UTRN: variants seen among roughly 807,000 people sequenced by gnomAD.
The protein encoded by UTRN is dystrophin-related protein 1.
In UTRN, 283 loss-of-function variants were observed where a neutral mutation model predicts 463.9. The ratio of observed to expected loss-of-function variants is 0.61; its 90% CI spans 0.55 to 0.67. UTRN has a LOEUF of 0.67. UTRN is among the 30% of genes least tolerant of loss of function. UTRN has a pLI of 0.00. For missense variants in UTRN, 3,922 were observed against 4,084.3 expected (o/e 0.96, Z 1.08); for synonymous variants, 1,442 against 1,431.5 (o/e 1.01, Z -0.17).
chr6:144,781,487 G>C (rs1308401372), intron 60 of UTRN, among the ~76,000 whole-genome samples: 1 of 152,158 alleles, frequency 6.6e-6, no homozygotes, highest in Non-Finnish European at 1.5e-5. Context: ...GTTTGGCTGT[G>C]ATACAAAGAA....
At chr6:144,527,871 T>A (rs1173011045) in intron 41 of UTRN, among the ~76,000 whole-genome samples, 1 of 152,064 alleles carries the variant, frequency 6.6e-6, no homozygotes, top group East Asian at 1.9e-4. Flanking sequence ...ACTCGAGATT[T>A]TTTCCTTCAT....
intron 49 of UTRN, 121 bp downstream of exon 49, chr6:144,555,014 C>T: frequency 8.5e-7 from 1 of 1,176,560 alleles, no homozygotes; most frequent in Non-Finnish European, 1.2e-6. Flanking sequence ...CTTAGAGTGT[C>T]TAATGAAATT....
chr6:144,484,305 C>A (rs530398549), intron 27 of UTRN, among the ~76,000 whole-genome samples: 1 of 151,914 alleles, frequency 6.6e-6, no homozygotes, highest in African/African-American at 2.4e-5. Flanking sequence ...GGCTACATTG[C>A]AAACTTTTAC....
chr6:144,296,740 T>G (rs1487684374), intron 2 of UTRN, among the ~76,000 whole-genome samples: 4 of 152,248 alleles, frequency 2.6e-5, no homozygotes, highest in African/African-American at 9.6e-5. Flanking sequence ...CATTTTGCAC[T>G]GTATTAATTG....
At chr6:144,678,644 A>C in intron 52 of UTRN, 66 bp downstream of exon 52, 1 of 1,419,502 alleles carries the variant, frequency 7.0e-7, no homozygotes. Flanking sequence ...TGATTTTTGT[A>C]TATCAGAAAG....
chr6:144,543,160 G>T (rs1316500206), intron 46 of UTRN, among the ~76,000 whole-genome samples: 1 of 152,154 alleles, frequency 6.6e-6, no homozygotes, highest in African/African-American at 2.4e-5. Flanking sequence ...GAGGCTAGGT[G>T]CAAAAACTGG....
intron 52 of UTRN, among the ~76,000 whole-genome samples, chr6:144,680,818 A>G (rs1348275873): frequency 2.6e-5 from 4 of 152,208 alleles, no homozygotes; most frequent in African/African-American, 9.6e-5. Context: ...GCTTGAAATA[A>G]CACTGTGTTG....
intron 61 of UTRN, among the ~76,000 whole-genome samples, chr6:144,785,245 C>T (rs1025793964): frequency 6.6e-6 from 1 of 152,160 alleles, no homozygotes; most frequent in Non-Finnish European, 1.5e-5. Flanking sequence ...TAATCATATA[C>T]CCGTGACTGC....
chr6:144,621,337 A>G (rs537862482), intron 51 of UTRN, among the ~76,000 whole-genome samples: 12 of 152,274 alleles, frequency 7.9e-5, no homozygotes, highest in South Asian at 6.2e-4. Flanking sequence ...GAAACTTTTT[A>G]TGGTTCTCCA....
At chr6:144,683,287 C>T (rs1240814127) in intron 52 of UTRN, among the ~76,000 whole-genome samples, 5 of 152,220 alleles carry the variant, frequency 3.3e-5, no homozygotes, top group South Asian at 4.2e-4. Context: ...TCAAGTGGAC[C>T]GTATGGGCTG....
At chr6:144,704,219 T>A (rs1300856978) in intron 53 of UTRN, among the ~76,000 whole-genome samples, 1 of 152,242 alleles carries the variant, frequency 6.6e-6, no homozygotes, top group Non-Finnish European at 1.5e-5. Flanking sequence ...CCCTCTTTTT[T>A]GCTCTATTAT....
chr6:144,424,731 A>G (rs2114854897), intron 6 of UTRN, among the ~76,000 whole-genome samples: 1 of 152,270 alleles, frequency 6.6e-6, no homozygotes, highest in East Asian at 1.9e-4. Context: ...AGTACCTTTC[A>G]CTCACATTTC....
At chr6:144,711,594 A>G (rs1462741234) in intron 53 of UTRN, among the ~76,000 whole-genome samples, 1 of 152,232 alleles carries the variant, frequency 6.6e-6, no homozygotes, top group East Asian at 1.9e-4. Context: ...AAAATTGCAG[A>G]TGCAGATTTT....
intron 66 of UTRN, 69 bp from the exon 67 acceptor site, chr6:144,827,279 C>G: frequency 6.3e-7 from 1 of 1,585,046 alleles, no homozygotes. Context: ...CACACCCCCA[C>G]TGCTTTTGTC....
chr6:144,602,185 G>A, intron 51 of UTRN, among the ~76,000 whole-genome samples: 1 of 151,944 alleles, frequency 6.6e-6, no homozygotes, highest in Non-Finnish European at 1.5e-5. Context: ...AGGCTGGAGT[G>A]CAGGGGTACG....
chr6:144,537,787 T>A, intron 44 of UTRN, 70 bp downstream of exon 44: 1 of 1,531,620 alleles, frequency 6.5e-7, no homozygotes, highest in Non-Finnish European at 8.7e-7. Context: ...ACATACTGCG[T>A]GTCTCAAGAA....
chr6:144,459,527 T>C (rs540918683), intron 21 of UTRN, among the ~76,000 whole-genome samples, 173 bp downstream of exon 21: 36 of 152,200 alleles, frequency 2.4e-4, no homozygotes, highest in Non-Finnish European at 4.1e-4. Context: ...CTTTTCCAGA[T>C]TCACACCTTT....
In UTRN at chr6:144,310,626, G is replaced by C. The variant is rs535412783; in HGVS notation, c.79+18719G>C. Among the ~76,000 whole-genome samples, 3 of 151,022 alleles carry C rather than the reference G, an allele frequency of 2.0e-5. No homozygotes were observed. In the East Asian group the frequency reaches 5.9e-4, roughly 30 times the overall value. ...CCGAGGTGGGGAGACAGGGATCACTGGGCGTGGCGGGGGGTGGGGGGCGTG... is the reference window on the plus strand; with the variant it reads ...CCGAGGTGGGGAGACAGGGATCACTCGGCGTGGCGGGGGGTGGGGGGCGTG... On this transcript the variant is annotated intron_variant, in intron 2 of 74. Transcript: ENST00000367545.
intron 2 of UTRN, among the ~76,000 whole-genome samples, chr6:144,396,340 C>T (rs73594985): frequency 0.029 from 4,455 of 152,084 alleles, 211 homozygotes; most frequent in African/African-American, 0.1. Context: ...TGCATAGAAA[C>T]GGACAGTAGA....
Sources: allele counts gnomAD v4.1 joint callset (sites outside exome capture counted in the v4.1 genomes callset), GRCh38; gene constraint gnomAD v4.1.1; transcripts MANE v1.5; gene names NCBI Gene and HGNC (gene_info 2026-07-23, HGNC 2026-07-21).